Variants in LRTM3 observed in about 807,000 individuals in gnomAD.
LRTM3 encodes leucine rich repeat transmembrane protein 3, also known as leucine-rich repeat transmembrane protein 3.
the LRTM3 span, chr13:102,739,791 A>C: frequency 1.3e-6 from 2 of 1,549,262 alleles, no homozygotes; most frequent in Non-Finnish European, 1.7e-6. Flanking sequence ...TTCAATTTGA[A>C]GTGAGGTAAA....
At chr13:102,736,994 A>G in the LRTM3 span, 3 of 1,551,006 alleles carry the variant, frequency 1.9e-6, no homozygotes, top group Admixed American at 5.9e-5. Flanking sequence ...AGGTATTGTC[A>G]GAAACACATC....
the LRTM3 span, chr13:102,738,686 G>C: frequency 1.3e-6 from 2 of 1,550,464 alleles, no homozygotes; most frequent in Non-Finnish European, 1.7e-6. Context: ...TTGGAGATTT[G>C]GTTGTGAAAA....
the LRTM3 span, chr13:102,743,350 T>TG: frequency 6.4e-7 from 1 of 1,550,522 alleles, no homozygotes; most frequent in Non-Finnish European, 8.7e-7. Flanking sequence ...CAGAGGAATC[T>TG]GGAGTGAAGG....
the LRTM3 span, chr13:102,747,894 T>G: frequency 6.4e-7 from 1 of 1,551,264 alleles, no homozygotes. Flanking sequence ...TTGACATACT[T>G]GGGCTTTTGC....
chr13:102,735,350 A>C, the LRTM3 span: 5 of 1,551,146 alleles, frequency 3.2e-6, no homozygotes, highest in Non-Finnish European at 4.4e-6. Flanking sequence ...TGGACATGCT[A>C]TTCTCCCTGC....
At chr13:102,730,380 T>C in the LRTM3 span, 4 of 1,550,822 alleles carry the variant, frequency 2.6e-6, no homozygotes, top group African/African-American at 4.1e-5. Context: ...TCAATATCTG[T>C]CTGAATATCA....
chr13:102,745,549 T>C, the LRTM3 span: 1 of 1,551,062 alleles, frequency 6.4e-7, no homozygotes, highest in East Asian at 2.4e-5. Flanking sequence ...TGTATGAAAT[T>C]GATGGCTTCT....
the LRTM3 span, chr13:102,749,083 A>G: frequency 6.5e-7 from 1 of 1,549,904 alleles, no homozygotes; most frequent in South Asian, 1.2e-5. Context: ...GCAAAGCTAT[A>G]TCTGATATAT....
the LRTM3 span, chr13:102,749,560 T>C: frequency 6.4e-7 from 1 of 1,551,430 alleles, no homozygotes; most frequent in Non-Finnish European, 8.7e-7. Context: ...CTGAATATTT[T>C]GCCTCAACAA....
chr13:102,740,510 G>T, the LRTM3 span: 1 of 1,549,878 alleles, frequency 6.5e-7, no homozygotes, highest in Non-Finnish European at 8.7e-7. Context: ...ATAGGAAATT[G>T]GTAGGTACTG....
At chr13:102,741,339 A>T in the LRTM3 span, 2 of 1,549,472 alleles carry the variant, frequency 1.3e-6, no homozygotes, top group East Asian at 2.4e-5. Flanking sequence ...CTGAGGAAAG[A>T]TTCAGAATCC....
the LRTM3 span, chr13:102,747,935 G>A: frequency 1.9e-6 from 3 of 1,551,232 alleles, no homozygotes; most frequent in South Asian, 1.2e-5. Flanking sequence ...GAAGCCTTGT[G>A]TCAGCTCTGA....
At chr13:102,757,891 C>G in the LRTM3 span, among the ~76,000 whole-genome samples, 4 of 152,112 alleles carry the variant, frequency 2.6e-5, no homozygotes, top group Admixed American at 6.5e-5. Flanking sequence ...TTGTAGATAT[C>G]TAATAATTGT....
the LRTM3 span, chr13:102,749,786 G>T: frequency 1.9e-6 from 3 of 1,551,192 alleles, no homozygotes; most frequent in South Asian, 3.6e-5. Flanking sequence ...ATTCTGAAAA[G>T]CATTTTGTCC....
At chr13:102,739,559 C>T in the LRTM3 span, 6 of 1,550,126 alleles carry the variant, frequency 3.9e-6, no homozygotes, top group Non-Finnish European at 5.2e-6. Flanking sequence ...TTTACCTTTA[C>T]CTTCTTGCAT....
chr13:102,745,188 G>T, the LRTM3 span: 2 of 1,550,660 alleles, frequency 1.3e-6, no homozygotes, highest in Non-Finnish European at 1.7e-6. Flanking sequence ...TGACCTGAAC[G>T]GAACATGAAA....
At chr13:102,742,469 G>A in the LRTM3 span, 2 of 1,549,308 alleles carry the variant, frequency 1.3e-6, no homozygotes, top group Non-Finnish European at 1.7e-6. Context: ...TTTCCAGTCT[G>A]CAGTTTTAAA....
chr13:102,745,266 G>A, the LRTM3 span: 15 of 1,550,600 alleles, frequency 9.7e-6, no homozygotes, highest in Admixed American at 1.8e-4. Context: ...TCTTCATCTT[G>A]AAGAAGGGTT....
chr13:102,737,049 T>C, the LRTM3 span: 2 of 1,550,218 alleles, frequency 1.3e-6, no homozygotes, highest in East Asian at 2.4e-5. Context: ...TTTTCTTTTA[T>C]GTTTGTTAGT....
Sources: allele counts gnomAD v4.1 joint callset (sites outside exome capture counted in the v4.1 genomes callset), GRCh38; gene constraint gnomAD v4.1.1; transcripts MANE v1.5; gene names NCBI Gene and HGNC (gene_info 2026-07-23, HGNC 2026-07-21).